Variants in ST6GALNAC5 observed in about 807,000 individuals in gnomAD.
ST6GALNAC5 encodes alpha-N-acetylgalactosaminide alpha-2,6-sialyltransferase 5.
A neutral mutation model predicts 33.6 loss-of-function variants in ST6GALNAC5; 27 were observed. That is an observed-to-expected ratio of 0.80 (90% CI 0.59 to 1.11). ST6GALNAC5 has a LOEUF of 1.11. Ranked by LOEUF, ST6GALNAC5 falls within the 50% of genes least tolerant of loss-of-function variation. ST6GALNAC5 has a pLI of 0.00. For synonymous variants in ST6GALNAC5, 194 were observed against 171.2 expected (o/e 1.13, Z -1.04); for missense variants, 428 against 454.0 (o/e 0.94, Z 0.52).
chr1:77,042,974 G>A (rs75123453), intron 2 of ST6GALNAC5, among the ~76,000 whole-genome samples: 7,384 of 152,230 alleles, frequency 0.049, 189 homozygotes, highest in Middle Eastern at 0.095. Context: ...GGCAAGGGAA[G>A]TTGGCTGCCC....
At position 77,064,153 on chromosome 1, in the gene ST6GALNAC5, A is replaced by AC. The variant is rs1344253808; in HGVS notation, c.*948dup. 6.6e-6 allele frequency: 1 copy of AC among 152,170 alleles called. No homozygotes were observed. The highest frequency in any genetic ancestry group is 6.6e-5 in the Admixed American group (1 of 15,264). 9.4% of individuals were successfully genotyped at this position (152,170 alleles called of 1,614,324 possible). The stretch of plus-strand genomic sequence containing the variant: ...TGGCAGAATGATGTCACTGTACCAG[A>AC]CAACCTCTTAGGTTTCATCCCAAAT... On this transcript the variant is annotated 3_prime_UTR_variant, in exon 5 of 5. Coordinates refer to ENST00000477717, the MANE Select transcript of ST6GALNAC5 (RefSeq NM_030965.3).
chr1:77,020,290 C>A, intron 2 of ST6GALNAC5, among the ~76,000 whole-genome samples: 1 of 152,130 alleles, frequency 6.6e-6, no homozygotes, highest in Non-Finnish European at 1.5e-5. Context: ...GTCTTGCACT[C>A]GTTAGGCAGT....
chr1:76,873,529 GAGA>G lies in ST6GALNAC5; in HGVS notation c.261+4790_261+4792del, dbSNP rs201997575. 6.7e-3 allele frequency among the ~76,000 whole-genome samples: 1,022 copies of G among 152,274 alleles called. 5 individuals are homozygous for G. Among genetic ancestry groups the G allele is most frequent in the Middle Eastern group, 0.014 (4 of 294 alleles). On this transcript the variant is annotated intron_variant, in intron 2 of 4. Transcript: ENST00000477717. ...GAAAGAAGGGAGTGAAGGTGGAGGA[GAGA>G]AGGACAGACCTACTTACCTATGTCA...
At chr1:76,979,666 C>G (rs1431824288) in intron 2 of ST6GALNAC5, among the ~76,000 whole-genome samples, 2 of 152,184 alleles carry the variant, frequency 1.3e-5, no homozygotes, top group Non-Finnish European at 2.9e-5. Context: ...GTAGCTCATG[C>G]CTGTAATTCC....
At chr1:77,061,882 C>T (rs1415089123) in intron 4 of ST6GALNAC5, among the ~76,000 whole-genome samples, 1 of 152,136 alleles carries the variant, frequency 6.6e-6, no homozygotes, top group Non-Finnish European at 1.5e-5. Flanking sequence ...GAAAAACACT[C>T]GGAGACTCTC....
At chr1:76,944,653 G>A (rs763592054) in intron 2 of ST6GALNAC5, among the ~76,000 whole-genome samples, 24 of 152,072 alleles carry the variant, frequency 1.6e-4, no homozygotes, top group Non-Finnish European at 2.6e-4. Context: ...CCTTCCAGAC[G>A]AATTCCTTGT....
intron 3 of ST6GALNAC5, among the ~76,000 whole-genome samples, chr1:77,048,018 G>A (rs191520068): frequency 3.1e-4 from 47 of 152,330 alleles, no homozygotes; most frequent in African/African-American, 5.3e-4. Context: ...TCTATAGCAC[G>A]TGACCCCAGA....
chr1:76,872,117 A>ACACACACACACC (rs1653523363), intron 2 of ST6GALNAC5, among the ~76,000 whole-genome samples: 1 of 125,924 alleles, frequency 7.9e-6, no homozygotes, highest in African/African-American at 3.5e-5. Flanking sequence ...ACACACACAC[A>ACACACACACACC]CCACACACAT....
chr1:76,962,567 AC>A (rs1206892349), intron 2 of ST6GALNAC5, among the ~76,000 whole-genome samples: 1 of 152,198 alleles, frequency 6.6e-6, no homozygotes, highest in Non-Finnish European at 1.5e-5. Context: ...CAACAAAAGA[AC>A]CTAAAAGCAT....
chr1:76,908,394 C>A (rs1646883320), intron 2 of ST6GALNAC5, among the ~76,000 whole-genome samples: 1 of 152,096 alleles, frequency 6.6e-6, no homozygotes, highest in South Asian at 2.1e-4. Flanking sequence ...GGGTACTAAT[C>A]CCATTCACGA....
chr1:76,969,404 C>G (rs1305792762), intron 2 of ST6GALNAC5, among the ~76,000 whole-genome samples: 1 of 152,236 alleles, frequency 6.6e-6, no homozygotes, highest in African/African-American at 2.4e-5. Context: ...AAGTCCCACT[C>G]CCATGGAGCC....
At chr1:76,937,876 G>A (rs567599146) in intron 2 of ST6GALNAC5, among the ~76,000 whole-genome samples, 1 of 152,126 alleles carries the variant, frequency 6.6e-6, no homozygotes, top group African/African-American at 2.4e-5. Flanking sequence ...ATATCTATTT[G>A]CCACAAGCTC....
At position 77,063,232 on chromosome 1, in the gene ST6GALNAC5, C is replaced by A. The variant is rs575197400; in HGVS notation, c.*26C>A. On this transcript the variant is annotated 3_prime_UTR_variant, in exon 5 of 5. Coordinates refer to ENST00000477717, the MANE Select transcript of ST6GALNAC5 (RefSeq NM_030965.3). ...GGAATGAGCATGCCAGACTGTAATCCCAGGTATTCACTGCATCAGACACCG... is the reference window on the plus strand; with the variant it reads ...GGAATGAGCATGCCAGACTGTAATCACAGGTATTCACTGCATCAGACACCG... The A allele has an allele frequency of 1.9e-6, 3 of 1,601,924 alleles. No individual in the cohort carries two copies. Among genetic ancestry groups the A allele is most frequent in the Non-Finnish European group, 2.6e-6 (3 of 1,169,798 alleles).
At chr1:76,913,777 T>C (rs1646938887) in intron 2 of ST6GALNAC5, among the ~76,000 whole-genome samples, 1 of 152,144 alleles carries the variant, frequency 6.6e-6, no homozygotes, top group African/African-American at 2.4e-5. Context: ...CTTTGAAAAC[T>C]GGCACAAGAC....
intron 2 of ST6GALNAC5, among the ~76,000 whole-genome samples, chr1:77,021,385 T>C (rs1651049019): frequency 1.3e-5 from 2 of 152,192 alleles, no homozygotes; most frequent in Admixed American, 1.3e-4. Flanking sequence ...GTTCCTCTTA[T>C]AGAACCCTCT....
intron 2 of ST6GALNAC5, among the ~76,000 whole-genome samples, chr1:76,954,154 C>CA (rs898070269): frequency 5.9e-5 from 9 of 151,320 alleles, no homozygotes; most frequent in African/African-American, 1.5e-4. Flanking sequence ...ATAGACTGGA[C>CA]AAAAAAAATG....
At chr1:77,001,142 T>C (rs1171052332) in intron 2 of ST6GALNAC5, among the ~76,000 whole-genome samples, 8 of 150,534 alleles carry the variant, frequency 5.3e-5, no homozygotes, top group Non-Finnish European at 1.0e-4. Context: ...TGTTCTTCCA[T>C]TTGTTTGTAT....
intron 2 of ST6GALNAC5, among the ~76,000 whole-genome samples, chr1:76,894,946 G>C (rs529347921): frequency 6.6e-6 from 1 of 152,220 alleles, no homozygotes; most frequent in Non-Finnish European, 1.5e-5. Context: ...CATTTTATAG[G>C]ATTTGGGTAG....
intron 2 of ST6GALNAC5, among the ~76,000 whole-genome samples, chr1:76,947,012 T>C (rs1647542198): frequency 6.6e-6 from 1 of 152,104 alleles, no homozygotes; most frequent in Non-Finnish European, 1.5e-5. Context: ...CTTATAGTCA[T>C]CCATAGTTCT....
Sources: gnomAD v4.1 joint callset for allele counts (sites outside exome capture counted in the v4.1 genomes callset) on GRCh38, gnomAD v4.1.1 for gene constraint, MANE v1.5 for transcripts, NCBI Gene and HGNC (gene_info 2026-07-23, HGNC 2026-07-21) for gene names.